The following MAEL variants were observed in gnomAD, a reference collection of about 807,000 sequenced individuals.
MAEL encodes the protein protein maelstrom homolog.
In MAEL, 46 loss-of-function variants were observed where a neutral mutation model predicts 62.0. The observed-to-expected ratio is 0.74, with a 90% CI of 0.59 to 0.95. The LOEUF is 0.95. MAEL is among the 40% of genes least tolerant of loss of function. The probability of loss-of-function intolerance (pLI) is 0.00; values close to 1 mark genes in which losing one functional copy is unlikely to be tolerated. For synonymous variants in MAEL, 172 were observed against 175.5 expected (o/e 0.98, Z 0.16); for missense variants, 497 against 526.8 (o/e 0.94, Z 0.55).
chr1:167,016,326 A>G (rs1260597924), intron 9 of MAEL, 42 bp downstream of exon 9: 2 of 1,580,290 alleles, frequency 1.3e-6, no homozygotes, highest in Non-Finnish European at 1.7e-6. Flanking sequence ...CTGTATTCTG[A>G]TTAAATTATT....
At chr1:167,012,332 T>C (rs1665200280) in intron 8 of MAEL, 1 of 152,218 alleles carries the variant, frequency 6.6e-6, no homozygotes, top group Non-Finnish European at 1.5e-5. Context: ...GTTGATAACA[T>C]GCATTTTGGA....
chr1:166,989,328 G>C lies in MAEL; in HGVS notation c.-25G>C, dbSNP rs1451158738. The C allele has an allele frequency of 6.2e-7, 1 of 1,604,114 alleles. No homozygotes were observed. Among genetic ancestry groups the C allele is most frequent in the Non-Finnish European group, 8.5e-7 (1 of 1,175,620 alleles). On this transcript the variant is annotated 5_prime_UTR_variant, in exon 1 of 12. Transcript: ENST00000367872. ...GGCGCCGGTGCTTTGTTCTGTCTGA[G>C]GCCAGGAAGTTTGACCGCGCTGCCA...
intron 1 of MAEL, among the ~76,000 whole-genome samples, chr1:166,982,388 G>A (rs1255514574): frequency 6.6e-6 from 1 of 152,164 alleles, no homozygotes; most frequent in Non-Finnish European, 1.5e-5. Flanking sequence ...GATAATCATG[G>A]AATCTATTTC....
At chr1:166,993,542 T>G (rs1041456787) in intron 4 of MAEL, among the ~76,000 whole-genome samples, 11 of 152,190 alleles carry the variant, frequency 7.2e-5, no homozygotes, top group Non-Finnish European at 1.6e-4. Context: ...CCAGCACTTT[T>G]TCCTCATTTT....
intron 3 of MAEL, among the ~76,000 whole-genome samples, chr1:166,991,911 G>C (rs922658895): frequency 6.6e-6 from 1 of 152,184 alleles, no homozygotes; most frequent in Non-Finnish European, 1.5e-5. Flanking sequence ...ATATGTTAAT[G>C]AGCTTGATTT....
chr1:166,989,140 C>T (rs2102065431), upstream of MAEL: 4 of 658,178 alleles, frequency 6.1e-6, no homozygotes, highest in South Asian at 2.0e-5. Flanking sequence ...GGCGCTCTCC[C>T]CCCACCTCAC....
intron 5 of MAEL, among the ~76,000 whole-genome samples, chr1:167,001,206 C>T (rs1473664937): frequency 6.6e-6 from 1 of 152,096 alleles, no homozygotes; most frequent in Non-Finnish European, 1.5e-5. Context: ...GGGAGCTGAG[C>T]TATAAGGATG....
intron 8 of MAEL, among the ~76,000 whole-genome samples, chr1:167,009,244 T>C (rs1177642595): frequency 1.3e-5 from 2 of 152,180 alleles, no homozygotes; most frequent in Admixed American, 1.3e-4. Context: ...CTTGATACAG[T>C]AAATTGATCA....
intron 8 of MAEL, among the ~76,000 whole-genome samples, chr1:167,012,957 A>G (rs567764196): frequency 7.4e-4 from 113 of 152,292 alleles, no homozygotes; most frequent in Admixed American, 1.8e-3. Context: ...ATGGAAAGGA[A>G]TAGGTTGATT....
intron 8 of MAEL, among the ~76,000 whole-genome samples, chr1:167,015,148 T>C (rs917370297): frequency 2.0e-5 from 3 of 152,116 alleles, no homozygotes; most frequent in Non-Finnish European, 4.4e-5. Flanking sequence ...GAAGAGTGTA[T>C]AGAAAGGCAG....
At chr1:167,017,068 G>C (rs1433582747) in intron 9 of MAEL, among the ~76,000 whole-genome samples, 1 of 152,150 alleles carries the variant, frequency 6.6e-6, no homozygotes, top group Non-Finnish European at 1.5e-5. Context: ...CCTAGTATTT[G>C]ATAGCACAAC....
upstream of MAEL, chr1:166,989,098 C>T (rs1423013909): frequency 8.1e-6 from 4 of 495,570 alleles, no homozygotes; most frequent in African/African-American, 1.9e-5. Flanking sequence ...CTGCCACGCA[C>T]CCAGCCAATC....
At position 167,004,314 on chromosome 1, in the gene MAEL, G is replaced by A; in HGVS notation, c.648+10G>A. The stretch of plus-strand genomic sequence containing the variant: ...ACCTATCTACTGCAAGGTAATTTCA[G>A]GTTAAGAAGTTCTTTTAAGGTATCA... On this transcript the variant is annotated intron_variant, in intron 6 of 11. Coordinates refer to ENST00000367872, the MANE Select transcript of MAEL (RefSeq NM_032858.3). 1 of 1,579,314 alleles carries A rather than the reference G, an allele frequency of 6.3e-7. No homozygotes were observed. The highest frequency in any genetic ancestry group is 8.6e-7 in the Non-Finnish European group (1 of 1,168,110).
chr1:167,002,944 C>G lies in MAEL; in HGVS notation c.524-1236C>G, dbSNP rs185198659. Among the ~76,000 whole-genome samples the G allele has an allele frequency of 1.9e-3, 290 of 152,110 alleles. 2 individuals carry two copies. The highest frequency in any genetic ancestry group is 6.7e-3 in the African/African-American group (278 of 41,370). ...AAACAAACCCAACTGCCAGATTCAG[C>G]TCTCTAAGATTTCTTCCTTTCCAAG... On this transcript the variant is annotated intron_variant, in intron 5 of 11. Coordinates refer to ENST00000367872, the MANE Select transcript of MAEL (RefSeq NM_032858.3).
At chr1:166,994,151 A>G in intron 5 of MAEL, 82 bp downstream of exon 5, 1 of 1,218,156 alleles carries the variant, frequency 8.2e-7, no homozygotes. Flanking sequence ...CACACAAACT[A>G]TAAAATAAGA....
At chr1:167,013,911 T>A (rs535353085) in intron 8 of MAEL, among the ~76,000 whole-genome samples, 2 of 152,186 alleles carry the variant, frequency 1.3e-5, no homozygotes, top group Non-Finnish European at 2.9e-5. Context: ...GTTTACTTTT[T>A]TTCATGGGGG....
intron 5 of MAEL, among the ~76,000 whole-genome samples, chr1:167,000,218 GA>G (rs1408287443): frequency 7.2e-5 from 11 of 152,258 alleles, no homozygotes; most frequent in African/African-American, 2.6e-4. Context: ...TGGAAAACCT[GA>G]AAAGGATTCA....
upstream of MAEL, among the ~76,000 whole-genome samples, chr1:166,984,146 C>T (rs1401385382): frequency 6.6e-6 from 1 of 152,124 alleles, no homozygotes. Flanking sequence ...GCACTAAGTG[C>T]CCATGGGTTA....
intron 1 of MAEL, among the ~76,000 whole-genome samples, chr1:166,980,093 T>C (rs1374525906): frequency 6.6e-6 from 1 of 152,194 alleles, no homozygotes; most frequent in Non-Finnish European, 1.5e-5. Flanking sequence ...CGTAGCTCAC[T>C]GCAACCTTGA....
Sources: allele counts gnomAD v4.1 joint callset (sites outside exome capture counted in the v4.1 genomes callset), GRCh38; gene constraint gnomAD v4.1.1; transcripts MANE v1.5; gene names NCBI Gene and HGNC (gene_info 2026-07-23, HGNC 2026-07-21).